Variants in SEPTIN9 observed in about 807,000 individuals in gnomAD.
SEPTIN9 encodes septin 9, also known as septin-9.
In SEPTIN9, 13 loss-of-function variants were observed where a neutral mutation model predicts 56.6. The observed-to-expected ratio is 0.23, with a 90% CI of 0.15 to 0.37. SEPTIN9 has a LOEUF of 0.37. Among genes scored for constraint, SEPTIN9 ranks in the 10% least tolerant of loss-of-function variants. The pLI is 1.00. For missense variants in SEPTIN9, 650 were observed against 823.1 expected (o/e 0.79, Z 2.57); for synonymous variants, 332 against 334.1 (o/e 0.99, Z 0.07).
At chr17:77,477,730 C>T (rs1373193779) in intron 3 of SEPTIN9, among the ~76,000 whole-genome samples, 1 of 152,104 alleles carries the variant, frequency 6.6e-6, no homozygotes, top group Non-Finnish European at 1.5e-5. Context: ...TCACTTTGAG[C>T]CAGAAACCAG....
At chr17:77,308,542 T>G (rs2032359311) in intron 2 of SEPTIN9, among the ~76,000 whole-genome samples, 1 of 152,264 alleles carries the variant, frequency 6.6e-6, no homozygotes, top group Admixed American at 6.5e-5. Flanking sequence ...AAAGTATAAA[T>G]GTTTACGTTT....
chr17:77,314,563 G>T (rs1384491829), intron 2 of SEPTIN9, among the ~76,000 whole-genome samples: 2 of 152,094 alleles, frequency 1.3e-5, no homozygotes, highest in Admixed American at 6.5e-5. Context: ...TTACTGGAAC[G>T]TGTGTTAGGT....
At chr17:77,484,957 T>TGGGTG (rs1568112196) in intron 4 of SEPTIN9, among the ~76,000 whole-genome samples, 1 of 24,254 alleles carries the variant, frequency 4.1e-5, no homozygotes, top group Non-Finnish European at 8.2e-5. Context: ...TGCTGGTGAT[T>TGGGTG]GTGGTGGTGA....
At chr17:77,403,876 C>T (rs527395563) in intron 3 of SEPTIN9, among the ~76,000 whole-genome samples, 41 of 152,328 alleles carry the variant, frequency 2.7e-4, no homozygotes, top group Non-Finnish European at 4.3e-4. Flanking sequence ...TGTCCATCTC[C>T]GGTACCCTTT....
rs2037389083 is a variant in SEPTIN9 at position 77,437,601 on chromosome 17, CT to C, written c.721+34900del. On this transcript the variant is annotated intron_variant, in intron 3 of 11. Transcript: ENST00000427177. The surrounding 1 kb of genome is among the most constrained non-coding windows in gnomAD (Gnocchi z 5.3). The stretch of plus-strand genomic sequence containing the variant: ...TGTCGACTGCTCTGACCTCCTGATG[CT>C]TCTGGTGGGGAGACCTCAGAGGGGC... Among the ~76,000 whole-genome samples, 2 of 152,092 alleles carry C rather than the reference CT, an allele frequency of 1.3e-5. No homozygotes were observed. Among genetic ancestry groups the C allele is most frequent in the Non-Finnish European group, 2.9e-5 (2 of 68,014 alleles).
At chr17:77,415,884 G>A (rs2036488790) in intron 3 of SEPTIN9, among the ~76,000 whole-genome samples, 1 of 152,234 alleles carries the variant, frequency 6.6e-6, no homozygotes, top group African/African-American at 2.4e-5. Context: ...CCCCAGGAGG[G>A]CACCTGGAGA....
At chr17:77,299,384 A>C (rs2031942776) in intron 1 of SEPTIN9, among the ~76,000 whole-genome samples, 1 of 152,152 alleles carries the variant, frequency 6.6e-6, no homozygotes, top group Non-Finnish European at 1.5e-5. Flanking sequence ...CCCACAACAG[A>C]CTTGGGATAT....
At chr17:77,489,387 CT>C (rs749622348) in intron 7 of SEPTIN9, among the ~76,000 whole-genome samples, 2 of 152,176 alleles carry the variant, frequency 1.3e-5, no homozygotes, top group African/African-American at 2.4e-5. Context: ...GACGTCGCCC[CT>C]AGAGATCAGC....
chr17:77,296,892 C>A (rs2031842013), intron 1 of SEPTIN9, among the ~76,000 whole-genome samples: 2 of 151,614 alleles, frequency 1.3e-5, no homozygotes, highest in South Asian at 2.1e-4. Flanking sequence ...GGATAGATAG[C>A]TAGATAGATG....
At chr17:77,467,255 G>A (rs2038781158) in intron 3 of SEPTIN9, among the ~76,000 whole-genome samples, 2 of 152,200 alleles carry the variant, frequency 1.3e-5, no homozygotes, top group Admixed American at 6.5e-5. Flanking sequence ...CCTCTAAGGG[G>A]CCCCCCTGCC....
chr17:77,448,454 T>G (rs1488055470), intron 3 of SEPTIN9, among the ~76,000 whole-genome samples: 1 of 148,284 alleles, frequency 6.7e-6, no homozygotes, highest in South Asian at 2.1e-4. Context: ...CCAGCCTGGG[T>G]GACAGAGCAA....
intron 2 of SEPTIN9, among the ~76,000 whole-genome samples, chr17:77,359,037 C>T (rs1279068750): frequency 6.6e-6 from 1 of 152,196 alleles, no homozygotes; most frequent in African/African-American, 2.4e-5. Context: ...GTCATGTCTG[C>T]ACTCCAGCCA....
chr17:77,316,236 G>A (rs546306649), intron 2 of SEPTIN9, among the ~76,000 whole-genome samples: 2 of 152,260 alleles, frequency 1.3e-5, no homozygotes, highest in South Asian at 2.1e-4. Context: ...CACCATGCGC[G>A]GTGAGAGGTT....
intron 2 of SEPTIN9, among the ~76,000 whole-genome samples, chr17:77,343,133 C>T (rs377401748): frequency 7.2e-5 from 11 of 152,128 alleles, no homozygotes; most frequent in East Asian, 3.9e-4. Flanking sequence ...GCTAAGGAGG[C>T]GACTGGTGGC....
At position 77,498,756 on chromosome 17, in the gene SEPTIN9, A is replaced by G. The variant is rs2040388083; in HGVS notation, c.*98A>G. The G allele has an allele frequency of 1.1e-5, 7 of 643,270 alleles. No individual in the cohort carries two copies. Among genetic ancestry groups the G allele is most frequent in the Admixed American group, 8.2e-5 (3 of 36,800 alleles). 39.8% of individuals were successfully genotyped at this position (643,270 alleles called of 1,614,324 possible). On this transcript the variant is annotated 3_prime_UTR_variant, in exon 12 of 12. Transcript: ENST00000427177. Reference sequence around the variant, plus strand: ...CATTTTATTTTATATGATTTTCTCCATTTGTCATCGTTCCCCACCCCTTCG... The same window carrying G: ...CATTTTATTTTATATGATTTTCTCCGTTTGTCATCGTTCCCCACCCCTTCG...
chr17:77,283,988 C>A, intron 1 of SEPTIN9, among the ~76,000 whole-genome samples: 1 of 152,184 alleles, frequency 6.6e-6, no homozygotes, highest in South Asian at 2.1e-4. Flanking sequence ...AGGAATGCCC[C>A]GGAGGTTTTA....
Position 77,456,642 on chromosome 17 carries a change from C to G in SEPTIN9, c.722-25502C>G, listed in dbSNP as rs2038215248. 6.7e-6 allele frequency: 1 copy of G among 149,796 alleles called. No homozygotes were observed. Among genetic ancestry groups the G allele is most frequent in the African/African-American group, 2.4e-5 (1 of 41,130 alleles). The allele number at this position is 149,796 out of a possible 1,614,324, so 9.3% of individuals were successfully genotyped here. A position where few individuals can be genotyped will look rare whatever the true frequency, so the allele number is the denominator to read the frequency against. On this transcript the variant is annotated intron_variant, in intron 3 of 11. Coordinates refer to ENST00000427177, the MANE Select transcript of SEPTIN9 (RefSeq NM_001113491.2). The surrounding 1 kb of genome is among the most constrained non-coding windows in gnomAD (Gnocchi z 6.0). The stretch of plus-strand genomic sequence containing the variant: ...GGGACCAGCACCGGGTACCCACAGC[C>G]AGGGACAGGCCTCCATGGCCAGTAC...
intron 2 of SEPTIN9, among the ~76,000 whole-genome samples, chr17:77,384,479 A>T (rs1164579756): frequency 6.6e-6 from 1 of 151,436 alleles, no homozygotes; most frequent in African/African-American, 2.4e-5. Flanking sequence ...GCAGCCTCCG[A>T]ATGGAGGCTT....
intron 2 of SEPTIN9, among the ~76,000 whole-genome samples, chr17:77,333,289 G>C (rs1272049874): frequency 1.3e-5 from 2 of 152,130 alleles, no homozygotes; most frequent in African/African-American, 2.4e-5. Flanking sequence ...CAAATCTGTT[G>C]CTCATTTTAA....
Sources: gnomAD v4.1 joint callset for allele counts (sites outside exome capture counted in the v4.1 genomes callset) on GRCh38, gnomAD v4.1.1 for gene constraint, Gnocchi (gnomAD v3.1) non-coding constraint, MANE v1.5 for transcripts, NCBI Gene and HGNC (gene_info 2026-07-23, HGNC 2026-07-21) for gene names.